The following ATP8A2 variants were observed in gnomAD, a reference collection of about 807,000 sequenced individuals.
ATP8A2 encodes phospholipid-transporting ATPase IB.
ATP8A2 carries 100 observed loss-of-function variants against 165.6 expected under a neutral mutation model. The ratio of observed to expected loss-of-function variants is 0.60; its 90% confidence interval spans 0.51 to 0.71. The LOEUF (loss-of-function observed/expected upper bound fraction) is 0.71, where lower values mean the gene tolerates loss of function less well. Ranked by LOEUF, ATP8A2 falls within the 30% of genes least tolerant of loss-of-function variation. The pLI, the probability that ATP8A2 is intolerant of heterozygous loss-of-function variation, is 0.00. For synonymous variants in ATP8A2, 543 were observed against 548.8 expected (o/e 0.99, Z 0.15); for missense variants, 1,227 against 1,479.5 (o/e 0.83, Z 2.80).
At chr13:25,827,855 A>G (rs1159878474) in intron 27 of ATP8A2, among the ~76,000 whole-genome samples, 1 of 152,262 alleles carries the variant, frequency 6.6e-6, no homozygotes, top group Non-Finnish European at 1.5e-5. Context: ...TTAAATGCAA[A>G]TTAAATCTAT....
At chr13:25,760,386 G>C (rs1738772712) in intron 25 of ATP8A2, among the ~76,000 whole-genome samples, 1 of 152,044 alleles carries the variant, frequency 6.6e-6, no homozygotes, top group Non-Finnish European at 1.5e-5. Context: ...AAAAATTTTT[G>C]GTTTTCAAGG....
At chr13:25,916,318 C>T (rs1954265230) in intron 33 of ATP8A2, among the ~76,000 whole-genome samples, 1 of 152,238 alleles carries the variant, frequency 6.6e-6, no homozygotes, top group African/African-American at 2.4e-5. Context: ...GGGCACAGCA[C>T]ACCGGGTCTG....
chr13:25,838,684 G>A (rs963165105), intron 29 of ATP8A2, among the ~76,000 whole-genome samples: 1 of 151,766 alleles, frequency 6.6e-6, no homozygotes, highest in Non-Finnish European at 1.5e-5. Flanking sequence ...CCACTACTTA[G>A]GCTCAAACTA....
chr13:25,948,861 A>G (rs959168661), intron 33 of ATP8A2, among the ~76,000 whole-genome samples: 3 of 152,182 alleles, frequency 2.0e-5, no homozygotes, highest in African/African-American at 7.2e-5. Flanking sequence ...CTGTGGTTTA[A>G]GTCACCCGGT....
chr13:25,499,801 A>G (rs547060836), intron 2 of ATP8A2, among the ~76,000 whole-genome samples: 1 of 82,688 alleles, frequency 1.2e-5, no homozygotes, highest in East Asian at 1.9e-4. Context: ...TCAGATTATA[A>G]TAAGGGCTGT....
rs573219922 is a variant in ATP8A2 at position 25,953,665 on chromosome 13, C to A, written c.3184-7910C>A. Among the ~76,000 whole-genome samples, 1 of 152,018 alleles carries A rather than the reference C, an allele frequency of 6.6e-6. No individual in the cohort carries two copies. The highest frequency in any genetic ancestry group is 1.9e-4 in the East Asian group (1 of 5,132). ...CAGCTGAGGAACCTGGTTCATCTCACTGGGACTGGTTAGATAGTGGGTGCA... is the reference window on the plus strand; with the variant it reads ...CAGCTGAGGAACCTGGTTCATCTCAATGGGACTGGTTAGATAGTGGGTGCA... On this transcript the variant is annotated intron_variant, in intron 33 of 36. Coordinates refer to ENST00000381655, the MANE Select transcript of ATP8A2 (RefSeq NM_016529.6). The surrounding 1 kb of genome is among the most constrained non-coding windows in gnomAD (Gnocchi z 6.7).
intron 15 of ATP8A2, among the ~76,000 whole-genome samples, chr13:25,560,440 T>G (rs1186854282): frequency 6.6e-6 from 1 of 151,958 alleles, no homozygotes; most frequent in Middle Eastern, 3.2e-3. Flanking sequence ...TGGCTCACAC[T>G]TGTAATCCCA....
intron 1 of ATP8A2, among the ~76,000 whole-genome samples, chr13:25,468,234 T>C (rs1005306183): frequency 6.6e-6 from 1 of 152,192 alleles, no homozygotes; most frequent in Non-Finnish European, 1.5e-5. Flanking sequence ...TGAGCTAGGC[T>C]GGCTTGCCAC....
At chr13:25,661,615 A>G (rs187996880) in intron 24 of ATP8A2, among the ~76,000 whole-genome samples, 43 of 152,358 alleles carry the variant, frequency 2.8e-4, no homozygotes, top group African/African-American at 1.0e-3. Context: ...ACCAATTTGC[A>G]TAGCTCTGGA....
chr13:25,506,371 C>G (rs1357576824), intron 2 of ATP8A2, among the ~76,000 whole-genome samples: 1 of 152,100 alleles, frequency 6.6e-6, no homozygotes, highest in Non-Finnish European at 1.5e-5. Context: ...TAGAATAGTC[C>G]CAGTTTGACT....
At chr13:25,564,079 ACTTT>A (rs2039242467) in intron 16 of ATP8A2, 48 bp downstream of exon 16, 1 of 1,376,058 alleles carries the variant, frequency 7.3e-7, no homozygotes, top group Admixed American at 1.7e-5. Flanking sequence ...TTACGGTGCA[ACTTT>A]CTTTTATATA....
chr13:25,982,016 A>T (rs918989294), intron 35 of ATP8A2, among the ~76,000 whole-genome samples: 1 of 152,088 alleles, frequency 6.6e-6, no homozygotes, highest in Non-Finnish European at 1.5e-5. Flanking sequence ...TCCCATATCT[A>T]TTTTTTTGGC....
In ATP8A2 at chr13:26,025,550, G is replaced by A. The variant is rs1417817937; in HGVS notation, c.*5565G>A. On this transcript the variant is annotated 3_prime_UTR_variant, in exon 37 of 37. Transcript: ENST00000381655. ...TGGTGATGCAGAGGGAAGCAGGGCT[G>A]TGGGGGCACGTTTAATTGGCTCCCA... 1.3e-5 allele frequency: 2 copies of A among 152,358 alleles called. No homozygotes were observed. Among genetic ancestry groups the A allele is most frequent in the South Asian group, 2.1e-4 (1 of 4,834 alleles). The allele number at this position is 152,358 out of a possible 1,614,324, so 9.4% of individuals were successfully genotyped here. A position where few individuals can be genotyped will look rare whatever the true frequency, so the allele number is the denominator to read the frequency against.
intron 25 of ATP8A2, among the ~76,000 whole-genome samples, chr13:25,712,925 G>A (rs1381886036): frequency 6.6e-6 from 1 of 152,108 alleles, no homozygotes; most frequent in Non-Finnish European, 1.5e-5. Flanking sequence ...GCAAAGATAA[G>A]TTATTTCATT....
At chr13:25,806,367 C>T (rs1950740928) in intron 27 of ATP8A2, among the ~76,000 whole-genome samples, 1 of 152,066 alleles carries the variant, frequency 6.6e-6, no homozygotes, top group African/African-American at 2.4e-5. Context: ...AAGGCCACCT[C>T]TCAGGCATTT....
intron 2 of ATP8A2, among the ~76,000 whole-genome samples, chr13:25,521,652 T>C (rs1348204361): frequency 6.6e-6 from 1 of 152,228 alleles, no homozygotes. Context: ...CTGTATGTTC[T>C]TAGCGCCTTT....
chr13:25,880,945 G>C, intron 33 of ATP8A2: 1 of 456,470 alleles, frequency 2.2e-6, no homozygotes, highest in South Asian at 1.6e-5. Flanking sequence ...GCAAAATTCA[G>C]CATGAAAGCC....
At chr13:25,449,113 T>C (rs567288090) in intron 1 of ATP8A2, among the ~76,000 whole-genome samples, 2 of 152,356 alleles carry the variant, frequency 1.3e-5, no homozygotes, top group Admixed American at 1.3e-4. Context: ...TCTTGTTTGC[T>C]CCTTTTCTTA....
At chr13:25,448,202 A>C (rs935386325) in intron 1 of ATP8A2, among the ~76,000 whole-genome samples, 2 of 152,200 alleles carry the variant, frequency 1.3e-5, no homozygotes, top group African/African-American at 4.8e-5. Flanking sequence ...GGGTACCTTC[A>C]AAATATGCTC....
Sources: allele counts gnomAD v4.1 joint callset (sites outside exome capture counted in the v4.1 genomes callset), GRCh38; gene constraint gnomAD v4.1.1; non-coding constraint Gnocchi (gnomAD v3.1); transcripts MANE v1.5; gene names NCBI Gene and HGNC (gene_info 2026-07-23, HGNC 2026-07-21).